The following NPAS3 variants were observed in gnomAD, a reference collection of about 807,000 sequenced individuals.
NPAS3 encodes the protein neuronal PAS domain protein 3.
In NPAS3, 14 loss-of-function variants were observed where a neutral mutation model predicts 73.1. That is an observed-to-expected ratio of 0.19 (90% CI 0.13 to 0.30). The LOEUF is 0.30. NPAS3 is among the 10% of genes least tolerant of loss of function. The pLI, the probability that NPAS3 is intolerant of heterozygous loss-of-function variation, is 1.00. For synonymous variants in NPAS3, 620 were observed against 541.5 expected (o/e 1.14, Z -2.01); for missense variants, 1,096 against 1,250.0 (o/e 0.88, Z 1.86).
At chr14:33,116,026 G>A (rs1016095817) in intron 2 of NPAS3, among the ~76,000 whole-genome samples, 1 of 151,906 alleles carries the variant, frequency 6.6e-6, no homozygotes, top group Non-Finnish European at 1.5e-5. Flanking sequence ...TACACAGATG[G>A]GAGCCTCATC....
intron 7 of NPAS3, among the ~76,000 whole-genome samples, chr14:33,737,515 A>G (rs1595527962): frequency 6.6e-6 from 1 of 152,094 alleles, no homozygotes; most frequent in Non-Finnish European, 1.5e-5. Flanking sequence ...TTCTCAAGAT[A>G]CCATGAGAGT....
At chr14:33,143,950 T>G (rs2044149973) in intron 2 of NPAS3, among the ~76,000 whole-genome samples, 1 of 152,226 alleles carries the variant, frequency 6.6e-6, no homozygotes, top group Non-Finnish European at 1.5e-5. Context: ...TAATATAACT[T>G]TATTATCTGT....
At chr14:33,328,798 A>G (rs2043842018) in intron 3 of NPAS3, among the ~76,000 whole-genome samples, 1 of 152,010 alleles carries the variant, frequency 6.6e-6, no homozygotes, top group Non-Finnish European at 1.5e-5. Flanking sequence ...TGAGATGAAT[A>G]CTTACTCCTT....
chr14:33,794,610 A>ATTTTTT (rs5807747), intron 10 of NPAS3, among the ~76,000 whole-genome samples: 6 of 143,362 alleles, frequency 4.2e-5, no homozygotes, highest in African/African-American at 1.5e-4. Context: ...AATGAAGGCA[A>ATTTTTT]TTTTTTTTTT....
intron 4 of NPAS3, among the ~76,000 whole-genome samples, chr14:33,484,112 T>G (rs1029631790): frequency 1.3e-5 from 2 of 152,120 alleles, no homozygotes; most frequent in Non-Finnish European, 2.9e-5. Context: ...TGTTAGAAAT[T>G]CAAATAAATA....
At chr14:33,500,641 C>T (rs932172523) in intron 4 of NPAS3, among the ~76,000 whole-genome samples, 2 of 151,886 alleles carry the variant, frequency 1.3e-5, no homozygotes, top group Non-Finnish European at 2.9e-5. Context: ...AGATATGATT[C>T]TTGTCTGGCT....
chr14:33,292,390 C>T (rs1361564554), intron 3 of NPAS3, among the ~76,000 whole-genome samples: 1 of 152,170 alleles, frequency 6.6e-6, no homozygotes, highest in African/African-American at 2.4e-5. Context: ...CTTGCCTGGA[C>T]ACGTGAACTC....
At chr14:32,967,306 A>G (rs769377241) in intron 1 of NPAS3, among the ~76,000 whole-genome samples, 1 of 152,240 alleles carries the variant, frequency 6.6e-6, no homozygotes, top group Non-Finnish European at 1.5e-5. Context: ...ATAATGCAAC[A>G]TATAATTTAC....
At chr14:33,028,980 C>T (rs2039900551) in intron 1 of NPAS3, among the ~76,000 whole-genome samples, 1 of 151,988 alleles carries the variant, frequency 6.6e-6, no homozygotes, top group South Asian at 2.1e-4. Context: ...GCTCTCCTTC[C>T]CCCCCGCCCC....
intron 1 of NPAS3, among the ~76,000 whole-genome samples, chr14:32,976,106 G>A (rs2037665735): frequency 6.6e-6 from 1 of 152,112 alleles, no homozygotes; most frequent in African/African-American, 2.4e-5. Flanking sequence ...TTACAGGCCT[G>A]CTGATTTATT....
In NPAS3 at chr14:33,791,217, A is replaced by G. The variant is rs558218996; in HGVS notation, c.1154-2680A>G. 3.1e-4 allele frequency among the ~76,000 whole-genome samples: 47 copies of G among 152,262 alleles called. 1 individual carries two copies. The highest frequency in any genetic ancestry group is 3.4e-3 in the Middle Eastern group (1 of 294). On this transcript the variant is annotated intron_variant, in intron 9 of 11. Transcript: ENST00000356141. The stretch of plus-strand genomic sequence containing the variant: ...CTCCCGAACCTGCTTTGTGGTATTC[A>G]CCACAGGAAGTCAAGGGCTATCACG...
chr14:33,662,152 G>A (rs1595383609), intron 5 of NPAS3, among the ~76,000 whole-genome samples: 1 of 152,330 alleles, frequency 6.6e-6, no homozygotes. Context: ...GAGTCTTTCA[G>A]TTACTCAGCC....
At chr14:33,666,854 T>C (rs958551035) in intron 5 of NPAS3, among the ~76,000 whole-genome samples, 4 of 152,202 alleles carry the variant, frequency 2.6e-5, no homozygotes, top group Admixed American at 6.5e-5. Flanking sequence ...TCCATAGACA[T>C]TTCTTTATTT....
Position 33,762,161 on chromosome 14 carries a change from A to G in NPAS3, c.853-12176A>G, listed in dbSNP as rs577462691. On this transcript the variant is annotated intron_variant, in intron 7 of 11. Transcript: ENST00000356141. Reference sequence around the variant, plus strand: ...CTAATTTCTTATGTATAACTACTCTATATTCACTCAGAGGACAACTGTATT... The same window carrying G: ...CTAATTTCTTATGTATAACTACTCTGTATTCACTCAGAGGACAACTGTATT... Among the ~76,000 whole-genome samples, 44 of 152,358 alleles carry G rather than the reference A, an allele frequency of 2.9e-4. No homozygotes were observed. In the South Asian group the frequency reaches 3.9e-3, roughly 14 times the overall value.
chr14:32,983,229 G>A (rs1033396045), intron 1 of NPAS3, among the ~76,000 whole-genome samples: 2 of 151,972 alleles, frequency 1.3e-5, no homozygotes, highest in African/African-American at 4.8e-5. Flanking sequence ...AGAGTATTTT[G>A]TAGGGTTTAC....
chr14:33,379,160 T>C (rs935137623), intron 4 of NPAS3, among the ~76,000 whole-genome samples: 3 of 152,104 alleles, frequency 2.0e-5, no homozygotes, highest in African/African-American at 7.2e-5. Context: ...GGGTCTCATC[T>C]CCAAAATATA....
At chr14:33,201,501 G>A (rs1243464572) in intron 2 of NPAS3, among the ~76,000 whole-genome samples, 1 of 152,158 alleles carries the variant, frequency 6.6e-6, no homozygotes, top group African/African-American at 2.4e-5. Flanking sequence ...AGGACACCTT[G>A]AGGAGAAACC....
intron 4 of NPAS3, among the ~76,000 whole-genome samples, chr14:33,420,984 C>T (rs1475546641): frequency 1.3e-5 from 2 of 151,888 alleles, no homozygotes; most frequent in African/African-American, 2.4e-5. Flanking sequence ...CTCATTGAGC[C>T]GTCCTCTGTG....
intron 3 of NPAS3, among the ~76,000 whole-genome samples, chr14:33,306,708 A>T (rs941088898): frequency 2.0e-5 from 3 of 152,208 alleles, no homozygotes; most frequent in African/African-American, 7.2e-5. Flanking sequence ...ATTTATGTTT[A>T]TGTCAGTAGC....
Sources: gnomAD v4.1 joint callset for allele counts (sites outside exome capture counted in the v4.1 genomes callset) on GRCh38, gnomAD v4.1.1 for gene constraint, MANE v1.5 for transcripts, NCBI Gene and HGNC (gene_info 2026-07-23, HGNC 2026-07-21) for gene names.